CADM1: variants seen among roughly 807,000 people sequenced by gnomAD.
The protein encoded by CADM1 is cell adhesion molecule 1, also known as TSLC-1.
A neutral mutation model predicts 53.1 loss-of-function variants in CADM1; 15 were observed. The observed-to-expected ratio is 0.28, with a 90% CI of 0.19 to 0.44. CADM1 has a LOEUF of 0.44. CADM1 is among the 20% of genes least tolerant of loss of function. The probability of loss-of-function intolerance (pLI) is 1.00; values close to 1 mark genes in which losing one functional copy is unlikely to be tolerated. For missense variants in CADM1, 434 were observed against 611.3 expected, an observed-to-expected ratio of 0.71 and a Z score of 3.06; for synonymous variants, 281 against 243.0, an observed-to-expected ratio of 1.16 and a Z score of -1.45.
At chr11:115,443,328 C>A (rs1420348392) in intron 1 of CADM1, among the ~76,000 whole-genome samples, 1 of 152,138 alleles carries the variant, frequency 6.6e-6, no homozygotes, top group East Asian at 1.9e-4. Flanking sequence ...AATTATACAT[C>A]AAAAATAAAT....
chr11:115,210,159 G>A (rs1024297402), intron 7 of CADM1, among the ~76,000 whole-genome samples: 1 of 152,152 alleles, frequency 6.6e-6, no homozygotes, highest in Non-Finnish European at 1.5e-5. Flanking sequence ...AACCCAGCAG[G>A]AAGTAAAACT....
chr11:115,195,981 G>C (rs978690622), intron 9 of CADM1, among the ~76,000 whole-genome samples: 3 of 152,156 alleles, frequency 2.0e-5, no homozygotes, highest in African/African-American at 4.8e-5. Flanking sequence ...CTGCCATTAA[G>C]AAGTCAAATT....
intron 7 of CADM1, among the ~76,000 whole-genome samples, chr11:115,211,048 A>AG (rs1349682715): frequency 6.6e-6 from 1 of 152,040 alleles, no homozygotes; most frequent in Non-Finnish European, 1.5e-5. Flanking sequence ...GTTTAAAAAA[A>AG]ATCTCATTCT....
intron 8 of CADM1, among the ~76,000 whole-genome samples, chr11:115,202,304 G>T (rs1940469735): frequency 6.6e-6 from 1 of 152,198 alleles, no homozygotes; most frequent in South Asian, 2.1e-4. Context: ...CTCCAACTTA[G>T]AATTGTTCAT....
intron 1 of CADM1, among the ~76,000 whole-genome samples, chr11:115,414,096 G>A (rs1947531458): frequency 6.6e-6 from 1 of 152,018 alleles, no homozygotes; most frequent in African/African-American, 2.4e-5. Context: ...TTGTTAATCT[G>A]TTAACTAAGG....
intron 1 of CADM1, among the ~76,000 whole-genome samples, chr11:115,481,600 C>G (rs1759012699): frequency 6.6e-6 from 1 of 152,174 alleles, no homozygotes; most frequent in African/African-American, 2.4e-5. Context: ...GCCTCCAGCT[C>G]AACTTCTGCA....
intron 1 of CADM1, among the ~76,000 whole-genome samples, chr11:115,297,747 C>A (rs970188782): frequency 3.3e-5 from 5 of 152,148 alleles, no homozygotes; most frequent in Non-Finnish European, 5.9e-5. Context: ...CTGTAAGCAC[C>A]AAAATGGATT....
At chr11:115,206,716 T>C (rs1940698230) in intron 8 of CADM1, among the ~76,000 whole-genome samples, 1 of 149,390 alleles carries the variant, frequency 6.7e-6, no homozygotes, top group South Asian at 2.1e-4. Context: ...GTTTCAGTTA[T>C]TGCATTTGAC....
intron 1 of CADM1, among the ~76,000 whole-genome samples, chr11:115,351,732 C>T (rs1231709625): frequency 2.6e-5 from 4 of 152,174 alleles, no homozygotes; most frequent in Non-Finnish European, 5.9e-5. Flanking sequence ...AAAATAGGCA[C>T]AGTAGTAATA....
intron 5 of CADM1, among the ~76,000 whole-genome samples, chr11:115,220,523 T>C (rs1941364834): frequency 1.3e-5 from 2 of 152,224 alleles, no homozygotes; most frequent in South Asian, 2.1e-4. Context: ...TATCTACTTA[T>C]GGCTACAGCT....
chr11:115,416,499 C>A (rs904016050), intron 1 of CADM1, among the ~76,000 whole-genome samples: 3 of 152,018 alleles, frequency 2.0e-5, no homozygotes, highest in African/African-American at 7.2e-5. Context: ...TTAAGCAGCA[C>A]AGACAGAACA....
At chr11:115,409,421 G>A (rs1947402192) in intron 1 of CADM1, among the ~76,000 whole-genome samples, 1 of 151,386 alleles carries the variant, frequency 6.6e-6, no homozygotes, top group South Asian at 2.1e-4. Flanking sequence ...GTTTTGTTTT[G>A]TCTTTCTTTT....
intron 8 of CADM1, 117 bp downstream of exon 8, chr11:115,209,457 A>C (rs1005823411): frequency 2.0e-6 from 3 of 1,490,344 alleles, no homozygotes; most frequent in African/African-American, 1.4e-5. Context: ...TGGAGTTCCA[A>C]AATAAAGGAA....
chr11:115,394,863 A>G (rs1946953849), intron 1 of CADM1, among the ~76,000 whole-genome samples: 2 of 152,158 alleles, frequency 1.3e-5, no homozygotes. Context: ...ATAAAAAAAC[A>G]AAACAAAACG....
chr11:115,242,182 C>T (rs934010389), intron 1 of CADM1, among the ~76,000 whole-genome samples: 4 of 151,984 alleles, frequency 2.6e-5, no homozygotes, highest in South Asian at 2.1e-4. Flanking sequence ...AACCCAACCT[C>T]GAGCTCTAGG....
At chr11:115,229,051 T>C in intron 5 of CADM1, 62 bp downstream of exon 5, 1 of 1,512,160 alleles carries the variant, frequency 6.6e-7, no homozygotes, top group East Asian at 2.3e-5. Context: ...ATAAATGGCT[T>C]CTGAAGAGTT....
At chr11:115,185,128 G>T (rs1591583163) in intron 10 of CADM1, among the ~76,000 whole-genome samples, 1 of 152,228 alleles carries the variant, frequency 6.6e-6, no homozygotes, top group African/African-American at 2.4e-5. Context: ...TGAGCCAAAT[G>T]AAAGTGCCTA....
chr11:115,300,506 C>G (rs941133919), intron 1 of CADM1, among the ~76,000 whole-genome samples: 4 of 152,024 alleles, frequency 2.6e-5, no homozygotes, highest in African/African-American at 9.7e-5. Flanking sequence ...TTATTTTATA[C>G]CAATATACAG....
intron 1 of CADM1, among the ~76,000 whole-genome samples, chr11:115,356,553 C>G (rs1945876453): frequency 6.6e-6 from 1 of 151,996 alleles, no homozygotes; most frequent in South Asian, 2.1e-4. Context: ...CAGTGAATGA[C>G]AGGTCTAATG....
Sources: gnomAD v4.1 joint callset for allele counts (sites outside exome capture counted in the v4.1 genomes callset) on GRCh38, gnomAD v4.1.1 for gene constraint, MANE v1.5 for transcripts, NCBI Gene and HGNC (gene_info 2026-07-23, HGNC 2026-07-21) for gene names.